ATF7: variants seen among roughly 807,000 people sequenced by gnomAD.
ATF7 encodes activating transcription factor 7.
Under a neutral mutation model 50.4 loss-of-function variants are expected in ATF7, and 10 were observed. The observed-to-expected ratio is 0.20, with a 90% CI of 0.12 to 0.34. The LOEUF (loss-of-function observed/expected upper bound fraction) is 0.34. Among genes scored for constraint, ATF7 ranks in the 10% least tolerant of loss-of-function variants. The pLI is 1.00. For missense variants in ATF7, 465 were observed against 613.9 expected, an observed-to-expected ratio of 0.76 and a Z score of 2.56; for synonymous variants, 201 against 226.4, an observed-to-expected ratio of 0.89 and a Z score of 1.01.
chr12:53,559,586 C>T (rs530066843), intron 2 of ATF7, among the ~76,000 whole-genome samples: 5 of 147,352 alleles, frequency 3.4e-5, no homozygotes, highest in African/African-American at 1.3e-4. Flanking sequence ...GGCTGAGGCA[C>T]GAGAATCACT....
chr12:53,542,703 G>A (rs1318987571), intron 4 of ATF7, among the ~76,000 whole-genome samples: 1 of 152,180 alleles, frequency 6.6e-6, no homozygotes, highest in African/African-American at 2.4e-5. Context: ...TTACAAGCAT[G>A]AGCCAATGTG....
At chr12:53,605,389 CAAAAAAA>C (rs11433998) in intron 1 of ATF7, among the ~76,000 whole-genome samples, 3 of 102,004 alleles carry the variant, frequency 2.9e-5, no homozygotes, top group African/African-American at 1.1e-4. Context: ...AATTCTGTCT[CAAAAAAA>C]AAAAAAAAAA....
intron 4 of ATF7, among the ~76,000 whole-genome samples, chr12:53,538,802 TCTA>T (rs1425686787): frequency 1.3e-5 from 2 of 152,154 alleles, no homozygotes; most frequent in Non-Finnish European, 2.9e-5. Flanking sequence ...TAATGTGATA[TCTA>T]CTACATTAGA....
intron 1 of ATF7, among the ~76,000 whole-genome samples, chr12:53,610,591 G>C (rs917401534): frequency 6.9e-6 from 1 of 144,968 alleles, no homozygotes; most frequent in African/African-American, 2.5e-5. Context: ...AAAGGTACAA[G>C]AATGGACACC....
intron 2 of ATF7, among the ~76,000 whole-genome samples, chr12:53,591,390 A>T (rs1204466393): frequency 6.6e-6 from 1 of 152,192 alleles, no homozygotes; most frequent in Non-Finnish European, 1.5e-5. Flanking sequence ...AAGGAAAGAC[A>T]ACCTCATAGT....
chr12:53,537,867 C>T (rs576752313), intron 4 of ATF7, among the ~76,000 whole-genome samples: 17 of 152,190 alleles, frequency 1.1e-4, no homozygotes, highest in African/African-American at 3.9e-4. Flanking sequence ...CATGTGCCAC[C>T]ACGCCCAGCT....
At chr12:53,602,985 A>G (rs1943463226) in intron 1 of ATF7, among the ~76,000 whole-genome samples, 1 of 152,216 alleles carries the variant, frequency 6.6e-6, no homozygotes, top group South Asian at 2.1e-4. Context: ...ATTTCACTAC[A>G]TGTCCCAGAA....
chr12:53,563,459 G>GA (rs11302242), intron 2 of ATF7, among the ~76,000 whole-genome samples: 55 of 147,952 alleles, frequency 3.7e-4, no homozygotes, highest in South Asian at 1.7e-3. Context: ...CTACCGAAAA[G>GA]AAAAAAAAAA....
At chr12:53,508,553 T>C (rs1944067865), downstream of ATF7, among the ~76,000 whole-genome samples, 1 of 110,358 alleles carries the variant, frequency 9.1e-6, no homozygotes, top group Admixed American at 1.0e-4. Flanking sequence ...AGAGAAACTC[T>C]GTCTCAAAAA....
intron 2 of ATF7, among the ~76,000 whole-genome samples, chr12:53,581,284 C>T (rs986582104): frequency 5.9e-5 from 9 of 152,026 alleles, no homozygotes; most frequent in South Asian, 4.1e-4. Flanking sequence ...CAGAAATGGA[C>T]GTATCCAGCA....
At chr12:53,591,170 G>T (rs1021859917) in intron 2 of ATF7, among the ~76,000 whole-genome samples, 1 of 152,042 alleles carries the variant, frequency 6.6e-6, no homozygotes, top group East Asian at 1.9e-4. Context: ...TTTTCTATAC[G>T]CTTACTGCTG....
intron 11 of ATF7, among the ~76,000 whole-genome samples, chr12:53,522,401 A>C (rs1266833532): frequency 1.3e-5 from 2 of 151,908 alleles, no homozygotes; most frequent in Admixed American, 1.3e-4. Flanking sequence ...TCCACTAAAA[A>C]CACAAAAATT....
chr12:53,611,442 ACT>A (rs1029934588), intron 1 of ATF7, among the ~76,000 whole-genome samples: 52 of 150,124 alleles, frequency 3.5e-4, no homozygotes, highest in African/African-American at 1.2e-3. Context: ...ACAGAGCGAG[ACT>A]CTATCGCAAA....
chr12:53,606,351 C>A (rs1003020708), intron 1 of ATF7, among the ~76,000 whole-genome samples: 10 of 151,932 alleles, frequency 6.6e-5, no homozygotes, highest in African/African-American at 2.4e-4. Flanking sequence ...CGGATTCAAG[C>A]GATTCTCCTA....
intron 1 of ATF7, among the ~76,000 whole-genome samples, chr12:53,607,075 T>C (rs976618495): frequency 6.6e-6 from 1 of 152,128 alleles, no homozygotes; most frequent in Non-Finnish European, 1.5e-5. Context: ...TGGGTATATA[T>C]CCAGTAATGG....
chr12:53,508,230 A>T (rs374627043), downstream of ATF7: 6 of 143,746 alleles, frequency 4.2e-5, no homozygotes, highest in East Asian at 6.2e-4. Flanking sequence ...GTCAACCACC[A>T]TGCCCAGCCT....
At chr12:53,539,328 C>A (rs1385669534) in intron 4 of ATF7, among the ~76,000 whole-genome samples, 1 of 152,164 alleles carries the variant, frequency 6.6e-6, no homozygotes, top group East Asian at 1.9e-4. Context: ...CCTGTAATCT[C>A]AACACTTTGG....
chr12:53,556,391 C>A (rs977303667), intron 2 of ATF7, among the ~76,000 whole-genome samples: 1 of 152,156 alleles, frequency 6.6e-6, no homozygotes, highest in South Asian at 2.1e-4. Flanking sequence ...GAGTTTGAGA[C>A]CAGCCAGGGC....
At chr12:53,615,116 G>A (rs1292003443) in intron 1 of ATF7, among the ~76,000 whole-genome samples, 1 of 151,838 alleles carries the variant, frequency 6.6e-6, no homozygotes, top group African/African-American at 2.4e-5. Context: ...GGGTGCGGTG[G>A]CTCACGCCTG....
Sources: gnomAD v4.1 joint callset for allele counts (sites outside exome capture counted in the v4.1 genomes callset) on GRCh38, gnomAD v4.1.1 for gene constraint, MANE v1.5 for transcripts, NCBI Gene and HGNC (gene_info 2026-07-23, HGNC 2026-07-21) for gene names.